HABP2: variants seen among roughly 807,000 people sequenced by gnomAD.
The protein encoded by HABP2 is factor VII-activating protease.
Under a neutral mutation model 66.5 loss-of-function variants are expected in HABP2, and 65 were observed. The observed-to-expected ratio is 0.98, with a 90% CI of 0.80 to 1.20. The LOEUF (loss-of-function observed/expected upper bound fraction) is 1.20. Among genes scored for constraint, HABP2 ranks in the 50% most tolerant of loss-of-function variants. The pLI, the probability that HABP2 is intolerant of heterozygous loss-of-function variation, is 0.00. For synonymous variants in HABP2, 263 were observed against 253.9 expected, an observed-to-expected ratio of 1.04 and a Z score of -0.34; for missense variants, 786 against 691.0, an observed-to-expected ratio of 1.14 and a Z score of -1.54.
At chr10:113,570,656 G>A (rs1332649730) in intron 2 of HABP2, among the ~76,000 whole-genome samples, 4 of 152,164 alleles carry the variant, frequency 2.6e-5, no homozygotes, top group Admixed American at 6.5e-5. Flanking sequence ...TATTTTCTTT[G>A]CCAAGTACAT....
chr10:113,553,305 G>C, intron 1 of HABP2, 115 bp downstream of exon 1: 1 of 777,866 alleles, frequency 1.3e-6, no homozygotes, highest in Non-Finnish European at 2.3e-6. Context: ...TTGCCAAGTT[G>C]GAGATGTTCT....
At chr10:113,560,158 T>C (rs1313383190) in intron 1 of HABP2, among the ~76,000 whole-genome samples, 2 of 152,160 alleles carry the variant, frequency 1.3e-5, no homozygotes, top group Admixed American at 6.5e-5. Context: ...CATTCTCCCT[T>C]GAGAGTTTTG....
intron 12 of HABP2, among the ~76,000 whole-genome samples, chr10:113,587,440 T>C (rs1374267142): frequency 6.6e-6 from 1 of 152,250 alleles, no homozygotes; most frequent in Non-Finnish European, 1.5e-5. Flanking sequence ...TCTCTTACTG[T>C]ATGGCTTTTA....
chr10:113,552,968 A>G (rs767360054), upstream of HABP2: 132 of 610,946 alleles, frequency 2.2e-4, 1 homozygote, highest in Non-Finnish European at 3.2e-4. Context: ...TTTGCAAAAC[A>G]TTAAACATTA....
chr10:113,579,008 G>T (rs1181046254), intron 7 of HABP2, among the ~76,000 whole-genome samples: 1 of 151,670 alleles, frequency 6.6e-6, no homozygotes, highest in African/African-American at 2.4e-5. Flanking sequence ...TGTAATCCTA[G>T]CACTTTCAGA....
rs1346837556 is a variant in HABP2, at chr10:113,589,563, G to T, written c.*1194G>T. The stretch of plus-strand genomic sequence containing the variant: ...GAGCTGCGTTTCACACTTCTTTAGA[G>T]CTAGCTGACCTTTGGCCAAAAATAA... On this transcript the variant is annotated 3_prime_UTR_variant, in exon 13 of 13. Transcript: ENST00000351270. The T allele has an allele frequency of 7.2e-7, 1 of 1,390,370 alleles. No individual in the cohort carries two copies. The highest frequency in any genetic ancestry group is 1.4e-5 in the South Asian group (1 of 73,982). The allele number at this position is 1,390,370 out of a possible 1,614,324, so 86.1% of individuals were successfully genotyped here.
At chr10:113,569,109 C>G (rs1845255342) in intron 2 of HABP2, among the ~76,000 whole-genome samples, 1 of 152,208 alleles carries the variant, frequency 6.6e-6, no homozygotes, top group East Asian at 1.9e-4. Context: ...GTTCAAAAAT[C>G]TGAATGGGCC....
At chr10:113,568,307 C>T (rs1845237945) in intron 2 of HABP2, among the ~76,000 whole-genome samples, 1 of 152,228 alleles carries the variant, frequency 6.6e-6, no homozygotes, top group Non-Finnish European at 1.5e-5. Context: ...ATGCTGGTCA[C>T]CCACAGAGCG....
At chr10:113,582,462 T>C (rs1177618100) in intron 9 of HABP2, among the ~76,000 whole-genome samples, 4 of 152,142 alleles carry the variant, frequency 2.6e-5, no homozygotes, top group Non-Finnish European at 5.9e-5. Flanking sequence ...GCTGAGTAAA[T>C]ATTTGTGGAG....
rs7086714 is a variant in HABP2, at chr10:113,577,223, C to A, written c.405C>A (p.Arg135=). Residue 135 remains arginine, a synonymous_variant, in exon 5 of 13, where the codon CGC becomes CGA. Coordinates refer to ENST00000351270, the MANE Select transcript of HABP2 (RefSeq NM_004132.5). ...CLITQSPPYY[R]CVCKHPYTGP... is the part of the protein sequence containing the mutation. The stretch of plus-strand genomic sequence containing the variant: ...TTACCCAGAGTCCTCCCTACTACCG[C>A]TGTGTCTGTAAACACCCTTACACAG... 2,437 of 1,612,434 alleles carry A rather than the reference C, an allele frequency of 1.5e-3. 28 individuals are homozygous for A. In the African/African-American group the frequency reaches 0.027, roughly 18 times the overall value.
At chr10:113,583,847 AC>A (rs941113899) in intron 10 of HABP2, among the ~76,000 whole-genome samples, 6 of 151,460 alleles carry the variant, frequency 4.0e-5, no homozygotes, top group African/African-American at 7.3e-5. Context: ...TTCATGAGAC[AC>A]CCCCCCACCT....
rs1451784462 is a variant in HABP2 at position 113,585,842 on chromosome 10, C to T, written c.1422C>T (p.Asn474=). The change falls in exon 12 of 13, where the codon AAC becomes AAT. Residue 474 remains asparagine (N), a synonymous_variant. Transcript: ENST00000351270. The part of the protein sequence containing the change: ...LLDAKVKLIA[N]TLCNSRQLYD... ...ATGCCAAAGTCAAGCTGATTGCCAA[C>T]ACTTTGTGCAACTCCCGCCAACTCT... is the stretch of plus-strand genomic sequence containing the variant. 1.9e-6 allele frequency: 3 copies of T among 1,612,932 alleles called. No individual in the cohort carries two copies. Among genetic ancestry groups the T allele is most frequent in the Non-Finnish European group, 1.7e-6 (2 of 1,178,860 alleles).
chr10:113,569,147 C>G (rs1845256132), intron 2 of HABP2, among the ~76,000 whole-genome samples: 1 of 152,186 alleles, frequency 6.6e-6, no homozygotes, highest in Admixed American at 6.5e-5. Context: ...TAATGAGTTT[C>G]CCATCACTGG....
At chr10:113,587,722 C>T (rs11575786) in intron 12 of HABP2, among the ~76,000 whole-genome samples, 2 of 152,048 alleles carry the variant, frequency 1.3e-5, no homozygotes, top group African/African-American at 4.8e-5. Flanking sequence ...TCACAAGAAC[C>T]CTGGGGGATG....
chr10:113,578,901 C>G, intron 7 of HABP2, 103 bp downstream of exon 7: 1 of 795,148 alleles, frequency 1.3e-6, no homozygotes, highest in Non-Finnish European at 2.2e-6. Context: ...TCTTACTCAG[C>G]AAGGCAATGT....
At chr10:113,571,802 C>G (rs1055193531) in intron 2 of HABP2, among the ~76,000 whole-genome samples, 30 of 152,206 alleles carry the variant, frequency 2.0e-4, no homozygotes, top group African/African-American at 6.5e-4. Context: ...TCCTTGAGGA[C>G]AAGGCCACAT....
intron 1 of HABP2, among the ~76,000 whole-genome samples, chr10:113,566,951 G>A (rs1845208833): frequency 6.6e-6 from 1 of 152,154 alleles, no homozygotes; most frequent in Non-Finnish European, 1.5e-5. Flanking sequence ...ACAACGAGAA[G>A]CCACTGAAGG....
At chr10:113,586,824 C>A (rs1845646003) in intron 12 of HABP2, among the ~76,000 whole-genome samples, 1 of 152,138 alleles carries the variant, frequency 6.6e-6, no homozygotes, top group Non-Finnish European at 1.5e-5. Context: ...CCTCCCCGTA[C>A]AAAGGAACCC....
At chr10:113,580,556 T>C (rs368723694) in intron 7 of HABP2, 39 bp from the exon 8 acceptor site, 12 of 1,050,170 alleles carry the variant, frequency 1.1e-5, no homozygotes, top group Non-Finnish European at 1.7e-5. Flanking sequence ...AGTGTGTTCA[T>C]CAAGCCTTGA....
Sources: allele counts gnomAD v4.1 joint callset (sites outside exome capture counted in the v4.1 genomes callset), GRCh38; gene constraint gnomAD v4.1.1; transcripts MANE v1.5; gene names NCBI Gene and HGNC (gene_info 2026-07-23, HGNC 2026-07-21).